The following PIGK variants were observed in gnomAD, a reference collection of about 807,000 sequenced individuals.
The protein encoded by PIGK is GPI-anchor transamidase.
PIGK carries 42 observed loss-of-function variants against 50.6 expected under a neutral mutation model. That is an observed-to-expected ratio of 0.83 (90% CI 0.65 to 1.07). The LOEUF is 1.07. Ranked by LOEUF, PIGK falls within the 50% of genes least tolerant of loss-of-function variation. PIGK has a pLI of 0.00. For missense variants in PIGK, 448 were observed against 488.7 expected, an observed-to-expected ratio of 0.92 and a Z score of 0.78; for synonymous variants, 151 against 156.0, an observed-to-expected ratio of 0.97 and a Z score of 0.24.
At chr1:77,212,146 A>C (rs1656435213) in intron 1 of PIGK, among the ~76,000 whole-genome samples, 1 of 152,074 alleles carries the variant, frequency 6.6e-6, no homozygotes. Context: ...AAAATTTTCT[A>C]ACACCATCCT....
rs759746233 is a variant in PIGK, at chr1:77,161,419, G to GA, written c.703-15dup. On this transcript the variant is annotated splice_polypyrimidine_tract_variant and intron_variant, in intron 7 of 10. Transcript: ENST00000370812. ...ATCAGGTTGATGCTATGGAAAGGGG[G>GA]AAAAAAAGTATTTCTAACAGTATCA... is the stretch of plus-strand genomic sequence containing the variant. 3 of 1,356,116 alleles carry GA rather than the reference G, an allele frequency of 2.2e-6. No individual in the cohort carries two copies. The highest frequency in any genetic ancestry group is 2.3e-5 in the East Asian group (1 of 43,564). 84.0% of individuals were successfully genotyped at this position (1,356,116 alleles called of 1,614,324 possible).
intron 9 of PIGK, among the ~76,000 whole-genome samples, chr1:77,125,464 A>G (rs560034922): frequency 6.6e-6 from 1 of 152,286 alleles, no homozygotes; most frequent in Admixed American, 6.5e-5. Context: ...GTGTTTCATA[A>G]TCAATTAAAA....
At chr1:77,166,638 G>T in intron 5 of PIGK, 81 bp downstream of exon 5, 1 of 668,420 alleles carries the variant, frequency 1.5e-6, no homozygotes, top group South Asian at 2.1e-5. Context: ...CATTTCACGT[G>T]TTTAAATTTC....
At chr1:77,191,123 T>A (rs1489671034) in intron 3 of PIGK, among the ~76,000 whole-genome samples, 1 of 152,222 alleles carries the variant, frequency 6.6e-6, no homozygotes, top group East Asian at 1.9e-4. Context: ...AATCTGTGCA[T>A]TACATTACCA....
At chr1:77,204,475 A>G (rs1656243935) in intron 3 of PIGK, among the ~76,000 whole-genome samples, 1 of 152,090 alleles carries the variant, frequency 6.6e-6, no homozygotes, top group African/African-American at 2.4e-5. Flanking sequence ...TTGCCATGTG[A>G]TATTTTATTG....
In PIGK at chr1:77,179,028, C is replaced by A. The variant is rs368188201; in HGVS notation, c.240-9633G>T. ...ACTGAGATCATGCGCTAGGCCCCAACAGACCACAAAAAATGGAGCTGCTTG... is the reference window on the plus strand; with the variant it reads ...ACTGAGATCATGCGCTAGGCCCCAAAAGACCACAAAAAATGGAGCTGCTTG... On this transcript the variant is annotated intron_variant, in intron 3 of 10. Coordinates refer to ENST00000370812, the MANE Select transcript of PIGK (RefSeq NM_005482.3). Among the ~76,000 whole-genome samples the A allele has an allele frequency of 7.9e-5, 12 of 152,288 alleles. No homozygotes were observed. In the East Asian group the frequency reaches 1.7e-3, roughly 22 times the overall value.
intron 3 of PIGK, chr1:77,195,338 G>A: frequency 7.7e-7 from 1 of 1,294,688 alleles, no homozygotes. Context: ...ACCAAGTTGA[G>A]CCAGCGGGCG....
rs1656010827 is a variant in PIGK at position 77,195,411 on chromosome 1, G to A, written c.239+11229C>T. ...AGAGTGCTAAGGAGTGAGAGCTTAG[G>A]GTGCTCACTTCCTGTTTCCACAGGA... On this transcript the variant is annotated intron_variant, in intron 3 of 10. Transcript: ENST00000370812. 23 of 1,084,382 alleles carry A rather than the reference G, an allele frequency of 2.1e-5. No individual in the cohort carries two copies. The South Asian group carries it at 3.8e-4, about 18-fold the overall frequency. The allele number at this position is 1,084,382 out of a possible 1,614,324, so 67.2% of individuals were successfully genotyped here. A position where few individuals can be genotyped will look rare whatever the true frequency, so the allele number is the denominator to read the frequency against.
chr1:77,179,602 T>C (rs1386620035), intron 3 of PIGK, among the ~76,000 whole-genome samples: 1 of 152,180 alleles, frequency 6.6e-6, no homozygotes, highest in Non-Finnish European at 1.5e-5. Flanking sequence ...TCCCTTTTTT[T>C]TCTCTATAAA....
chr1:77,202,144 G>A (rs1202615843), intron 3 of PIGK, among the ~76,000 whole-genome samples: 1 of 152,020 alleles, frequency 6.6e-6, no homozygotes, highest in Non-Finnish European at 1.5e-5. Context: ...GAGAATATAA[G>A]TAAATGGTAT....
chr1:77,123,123 T>C (rs1034707189), intron 9 of PIGK, among the ~76,000 whole-genome samples: 3 of 152,108 alleles, frequency 2.0e-5, no homozygotes, highest in African/African-American at 7.2e-5. Flanking sequence ...TCTAGGACAA[T>C]ATGAAACAGT....
rs78691213 is a variant in PIGK, at chr1:77,105,403, C to T, written c.1072-12913G>A. The stretch of plus-strand genomic sequence containing the variant: ...TGGGCCATGGGTTTCAGGCTGTTTG[C>T]TTTTTTGGCTTGAAGGTGGGGTTTC... On this transcript the variant is annotated intron_variant, in intron 10 of 10. Transcript: ENST00000370812. Among the ~76,000 whole-genome samples, 6 of 151,986 alleles carry T rather than the reference C, an allele frequency of 3.9e-5. No individual in the cohort carries two copies. In the East Asian group the frequency reaches 7.8e-4, roughly 20 times the overall value.
chr1:77,217,368 G>A lies in PIGK; in HGVS notation c.93+1942C>T, dbSNP rs181415054. On this transcript the variant is annotated intron_variant, in intron 1 of 10. Transcript: ENST00000370812. ...AGAGGAAATACAATTCCAGACAGAG[G>A]GGAGACAGCTCTAATGTGAGAAAAA... is the stretch of plus-strand genomic sequence containing the variant. Among the ~76,000 whole-genome samples, 669 of 152,280 alleles carry A rather than the reference G, an allele frequency of 4.4e-3. 5 individuals carry two copies. Among genetic ancestry groups the A allele is most frequent in the African/African-American group, 0.016 (647 of 41,558 alleles).
intron 9 of PIGK, among the ~76,000 whole-genome samples, chr1:77,135,498 C>A (rs1181702629): frequency 6.6e-6 from 1 of 151,958 alleles, no homozygotes; most frequent in Non-Finnish European, 1.5e-5. Flanking sequence ...TCATTTTCAA[C>A]TATTTAATAT....
intron 10 of PIGK, among the ~76,000 whole-genome samples, chr1:77,103,068 T>A (rs1374927557): frequency 6.6e-6 from 1 of 152,176 alleles, no homozygotes; most frequent in Non-Finnish European, 1.5e-5. Flanking sequence ...CATGATTAGA[T>A]TCAGGTTATG....
chr1:77,200,742 G>A (rs1370500063), intron 3 of PIGK, among the ~76,000 whole-genome samples: 3 of 152,258 alleles, frequency 2.0e-5, no homozygotes, highest in African/African-American at 7.2e-5. Flanking sequence ...AAAGTCAGAA[G>A]ACCTGAATTC....
intron 3 of PIGK, among the ~76,000 whole-genome samples, chr1:77,181,020 T>C (rs1655599702): frequency 6.6e-6 from 1 of 152,202 alleles, no homozygotes; most frequent in African/African-American, 2.4e-5. Flanking sequence ...CACTTTTTGG[T>C]TACTTCATCT....
Position 77,092,568 on chromosome 1 carries a change from A to G in PIGK, c.1072-78T>C. 7.4e-6 allele frequency: 6 copies of G among 814,592 alleles called. No homozygotes were observed. The South Asian group carries it at 9.1e-5, about 12-fold the overall frequency. The allele number at this position is 814,592 out of a possible 1,614,324, so 50.5% of individuals were successfully genotyped here. A position where few individuals can be genotyped will look rare whatever the true frequency, so the allele number is the denominator to read the frequency against. On this transcript the variant is annotated intron_variant, in intron 10 of 10. Transcript: ENST00000370812. Reference sequence around the variant, plus strand: ...ATCAATAAAGCAAACATTGATGAAAAAGATAAATTTCACTGGTTGTGTTTG... The same window carrying G: ...ATCAATAAAGCAAACATTGATGAAAGAGATAAATTTCACTGGTTGTGTTTG...
intron 9 of PIGK, among the ~76,000 whole-genome samples, chr1:77,128,253 C>T (rs185130440): frequency 9.2e-5 from 14 of 152,088 alleles, no homozygotes; most frequent in African/African-American, 3.1e-4. Flanking sequence ...TAAAGAAGCA[C>T]AAGAAAGATG....
Sources: gnomAD v4.1 joint callset for allele counts (sites outside exome capture counted in the v4.1 genomes callset) on GRCh38, gnomAD v4.1.1 for gene constraint, MANE v1.5 for transcripts, NCBI Gene and HGNC (gene_info 2026-07-23, HGNC 2026-07-21) for gene names.